UNC5D: variants seen among roughly 807,000 people sequenced by gnomAD.
The protein encoded by UNC5D is netrin receptor UNC5D.
UNC5D carries 39 observed loss-of-function variants against 105.4 expected under a neutral mutation model. The ratio of observed to expected loss-of-function variants is 0.37; its 90% confidence interval spans 0.29 to 0.48. UNC5D has a LOEUF of 0.48. UNC5D is among the 20% of genes least tolerant of loss of function. The pLI, the probability that UNC5D is intolerant of heterozygous loss-of-function variation, is 0.98. For missense variants in UNC5D, 991 were observed against 1,202.4 expected (o/e 0.82, Z 2.60); for synonymous variants, 452 against 450.4 (o/e 1.00, Z -0.04).
intron 1 of UNC5D, among the ~76,000 whole-genome samples, chr8:35,468,535 C>T (rs1809476612): frequency 6.6e-6 from 1 of 152,122 alleles, no homozygotes; most frequent in South Asian, 2.1e-4. Flanking sequence ...ATATAGAAAG[C>T]CGTGATTTCC....
rs1554596594 is a variant in UNC5D, at chr8:35,728,095, A to ATAT, written c.1681+1566_1681+1567insTAT. On this transcript the variant is annotated intron_variant, in intron 10 of 16. Transcript: ENST00000404895. Reference sequence around the variant, plus strand: ...CTAAAAAAAAAAAAAAAAAAAAAAAAATATATATATATATATGCCATAAAA... The same window carrying ATAT: ...CTAAAAAAAAAAAAAAAAAAAAAAAATATATATATATATATATATGCCATAAAA... Among the ~76,000 whole-genome samples, 161 of 110,270 alleles carry ATAT rather than the reference A, an allele frequency of 1.5e-3. 1 individual carries two copies. The highest frequency in any genetic ancestry group is 0.01 in the East Asian group (37 of 3,650). The allele number at this position is 110,270 out of a possible 152,430, so 72.3% of individuals were successfully genotyped here.
chr8:35,495,654 C>T (rs1039170030), intron 1 of UNC5D, among the ~76,000 whole-genome samples: 59 of 152,032 alleles, frequency 3.9e-4, no homozygotes, highest in African/African-American at 1.4e-3. Flanking sequence ...TTCTGGTGCC[C>T]CTGTCTGTGC....
rs1266847393 is a variant in UNC5D at position 35,796,421 on chromosome 8, C to T, written c.*5858C>T. On this transcript the variant is annotated 3_prime_UTR_variant, in exon 17 of 17. Transcript: ENST00000404895. ...AATGGACGGTTTGGATGTTTTATGT[C>T]GAGTTTGCAAAAAAAAAAAAAAAAA... 3.0e-5 allele frequency: 3 copies of T among 98,464 alleles called. No homozygotes were observed. Among genetic ancestry groups the T allele is most frequent in the Admixed American group, 1.4e-4 (1 of 6,954 alleles). The allele number at this position is 98,464 out of a possible 1,614,324, so 6.1% of individuals were successfully genotyped here.
chr8:35,558,636 A>C (rs2130739806), intron 2 of UNC5D, among the ~76,000 whole-genome samples: 1 of 152,306 alleles, frequency 6.6e-6, no homozygotes, highest in Non-Finnish European at 1.5e-5. Context: ...ACAGGGGCTG[A>C]GAAATCTTGG....
intron 1 of UNC5D, among the ~76,000 whole-genome samples, chr8:35,442,841 C>G (rs1424748271): frequency 1.3e-5 from 2 of 151,184 alleles, no homozygotes; most frequent in African/African-American, 4.9e-5. Context: ...TAAATTAAAA[C>G]TCTATTTCTT....
intron 1 of UNC5D, among the ~76,000 whole-genome samples, chr8:35,297,118 T>C (rs1443041386): frequency 6.6e-6 from 1 of 152,166 alleles, no homozygotes; most frequent in Non-Finnish European, 1.5e-5. Flanking sequence ...ACCACAGGGT[T>C]CACCTCAGCT....
At chr8:35,304,821 T>G (rs1301125966) in intron 1 of UNC5D, among the ~76,000 whole-genome samples, 1 of 152,150 alleles carries the variant, frequency 6.6e-6, no homozygotes. Flanking sequence ...AGCATAATTA[T>G]TAAGACTTAG....
intron 1 of UNC5D, among the ~76,000 whole-genome samples, chr8:35,527,366 A>C (rs1379664036): frequency 6.6e-6 from 1 of 152,136 alleles, no homozygotes; most frequent in Non-Finnish European, 1.5e-5. Flanking sequence ...CTGTAGACCG[A>C]GTGGCTTAAA....
intron 16 of UNC5D, among the ~76,000 whole-genome samples, chr8:35,780,596 G>A (rs1197711096): frequency 1.3e-5 from 2 of 152,212 alleles, no homozygotes. Flanking sequence ...AAAAAAGAGG[G>A]AAGATGATGA....
At chr8:35,564,208 A>T (rs1450676029) in intron 2 of UNC5D, among the ~76,000 whole-genome samples, 1 of 151,592 alleles carries the variant, frequency 6.6e-6, no homozygotes, top group African/African-American at 2.4e-5. Context: ...TCCATTCTGG[A>T]GAATATGTTA....
intron 1 of UNC5D, among the ~76,000 whole-genome samples, chr8:35,294,973 T>C (rs1181441035): frequency 3.3e-5 from 5 of 152,174 alleles, no homozygotes; most frequent in Admixed American, 2.0e-4. Context: ...TGTACTGTGA[T>C]ACCCAATTTA....
chr8:35,713,193 A>T (rs1828061485), intron 8 of UNC5D, among the ~76,000 whole-genome samples: 1 of 152,190 alleles, frequency 6.6e-6, no homozygotes, highest in Non-Finnish European at 1.5e-5. Flanking sequence ...CTCAGACATA[A>T]GCACAGACAC....
At chr8:35,789,895 A>AAC (rs56702865) in intron 16 of UNC5D, among the ~76,000 whole-genome samples, 12,763 of 142,664 alleles carry the variant, frequency 0.089, 904 homozygotes, top group East Asian at 0.19. Flanking sequence ...TCAAGAAGAA[A>AAC]ACACACACAC....
At chr8:35,651,513 C>A (rs1823399546) in intron 4 of UNC5D, among the ~76,000 whole-genome samples, 1 of 152,102 alleles carries the variant, frequency 6.6e-6, no homozygotes, top group East Asian at 1.9e-4. Context: ...ATCACAAATA[C>A]AAAAGAGTAT....
Position 35,783,102 on chromosome 8 carries a change from C to T in UNC5D, c.2658-7257C>T, listed in dbSNP as rs1802579775. Among the ~76,000 whole-genome samples the T allele has an allele frequency of 2.6e-5, 4 of 151,826 alleles. No homozygotes were observed. The South Asian group carries it at 8.3e-4, about 32-fold the overall frequency. On this transcript the variant is annotated intron_variant, in intron 16 of 16. Coordinates refer to ENST00000404895, the MANE Select transcript of UNC5D (RefSeq NM_080872.4). ...AAGCTGCAGTGAGCTATGATCGCAC[C>T]ACTGCACTCCAGCCTGGGTGACAGA...
chr8:35,507,336 T>C (rs1812393772), intron 1 of UNC5D, among the ~76,000 whole-genome samples: 3 of 152,138 alleles, frequency 2.0e-5, no homozygotes, highest in Admixed American at 2.0e-4. Context: ...ATTACAGGCG[T>C]GAGCCACCGC....
At chr8:35,603,113 C>T (rs112406096) in intron 4 of UNC5D, among the ~76,000 whole-genome samples, 1 of 151,946 alleles carries the variant, frequency 6.6e-6, no homozygotes, top group Non-Finnish European at 1.5e-5. Flanking sequence ...GCTCTTGCTT[C>T]TCTAGTTCTT....
At chr8:35,611,326 C>T (rs1360402037) in intron 4 of UNC5D, among the ~76,000 whole-genome samples, 1 of 152,154 alleles carries the variant, frequency 6.6e-6, no homozygotes, top group Non-Finnish European at 1.5e-5. Context: ...GATAAAGCCA[C>T]TTATCAAAAA....
intron 1 of UNC5D, among the ~76,000 whole-genome samples, chr8:35,450,076 G>A (rs1346156917): frequency 6.6e-6 from 1 of 152,152 alleles, no homozygotes; most frequent in African/African-American, 2.4e-5. Flanking sequence ...AGTGACACAT[G>A]TTTGTTAGGT....
Sources: gnomAD v4.1 joint callset for allele counts (sites outside exome capture counted in the v4.1 genomes callset) on GRCh38, gnomAD v4.1.1 for gene constraint, MANE v1.5 for transcripts, NCBI Gene and HGNC (gene_info 2026-07-23, HGNC 2026-07-21) for gene names.